Variants in CDKAL1 observed in about 807,000 individuals in gnomAD.
CDKAL1 encodes the protein threonylcarbamoyladenosine tRNA methylthiotransferase.
A neutral mutation model predicts 68.2 loss-of-function variants in CDKAL1; 32 were observed. That is an observed-to-expected ratio of 0.47 (90% confidence interval 0.35 to 0.63). CDKAL1 has a LOEUF of 0.63. Among genes scored for constraint, CDKAL1 ranks in the 30% least tolerant of loss-of-function variants. The pLI is 0.00. For missense variants in CDKAL1, 606 were observed against 696.7 expected (o/e 0.87, Z 1.47); for synonymous variants, 234 against 244.3 (o/e 0.96, Z 0.39).
In CDKAL1 at chr6:21,205,557, G is replaced by C. The variant is rs151161368; in HGVS notation, c.1548+4283G>C. ...TTTGTTTTGTTTTTTTTGAGACAGAGTCTCGCCCTGTCGCCCAGGCTGGAG... is the reference window on the plus strand; with the variant it reads ...TTTGTTTTGTTTTTTTTGAGACAGACTCTCGCCCTGTCGCCCAGGCTGGAG... On this transcript the variant is annotated intron_variant, in intron 15 of 15. Transcript: ENST00000274695. 7.0e-3 allele frequency among the ~76,000 whole-genome samples: 1,062 copies of C among 152,020 alleles called. 5 individuals carry two copies. The highest frequency in any genetic ancestry group is 0.017 in the South Asian group (84 of 4,822).
At chr6:21,143,147 G>T (rs939470655) in intron 13 of CDKAL1, among the ~76,000 whole-genome samples, 1 of 152,128 alleles carries the variant, frequency 6.6e-6, no homozygotes, top group Non-Finnish European at 1.5e-5. Flanking sequence ...CTCTGAATTT[G>T]TACTTCATTT....
At chr6:21,182,223 A>G (rs1016881096) in intron 13 of CDKAL1, among the ~76,000 whole-genome samples, 32 of 152,240 alleles carry the variant, frequency 2.1e-4, no homozygotes, top group African/African-American at 7.0e-4. Flanking sequence ...AGAATAAATT[A>G]TAGAATTAAA....
intron 9 of CDKAL1, among the ~76,000 whole-genome samples, chr6:20,863,079 T>C (rs1457215914): frequency 6.6e-6 from 1 of 152,216 alleles, no homozygotes; most frequent in Admixed American, 6.5e-5. Flanking sequence ...ATAAAGTGCA[T>C]ACAGATCCCC....
chr6:20,595,930 C>G (rs556187968), intron 4 of CDKAL1, among the ~76,000 whole-genome samples: 30 of 152,206 alleles, frequency 2.0e-4, no homozygotes, highest in Non-Finnish European at 3.7e-4. Context: ...AGTCAGGACC[C>G]TCTGCTGCAG....
At chr6:20,727,347 T>C (rs938329944) in intron 5 of CDKAL1, among the ~76,000 whole-genome samples, 1 of 152,154 alleles carries the variant, frequency 6.6e-6, no homozygotes, top group African/African-American at 2.4e-5. Context: ...AACATACATA[T>C]AACTACATAT....
chr6:20,577,988 G>T (rs1764982839), intron 4 of CDKAL1, among the ~76,000 whole-genome samples: 1 of 152,020 alleles, frequency 6.6e-6, no homozygotes, highest in Non-Finnish European at 1.5e-5. Flanking sequence ...TTAGTCTTAG[G>T]TGTAGTTACA....
chr6:20,579,194 G>T (rs943524834), intron 4 of CDKAL1, among the ~76,000 whole-genome samples: 3 of 152,082 alleles, frequency 2.0e-5, no homozygotes, highest in African/African-American at 4.8e-5. Flanking sequence ...GCCCTGGCTG[G>T]TCTCGAACTC....
chr6:20,639,064 A>G (rs563946092), intron 4 of CDKAL1, among the ~76,000 whole-genome samples: 1 of 152,300 alleles, frequency 6.6e-6, no homozygotes, highest in East Asian at 1.9e-4. Context: ...TCTGTCTTGT[A>G]CCTGATTTGA....
Position 20,644,135 on chromosome 6 carries a change from CTT to C in CDKAL1, c.287-5144_287-5143del, listed in dbSNP as rs11348111. On this transcript the variant is annotated intron_variant, in intron 4 of 15. Transcript: ENST00000274695. ...GGCACAAGCCACCGTGTCTGGCCTG[CTT>C]TTTTTTTTTTTTTAATTTATTTTTA... 4.8e-3 allele frequency among the ~76,000 whole-genome samples: 683 copies of C among 143,290 alleles called. 2 individuals carry two copies. Among genetic ancestry groups the C allele is most frequent in the African/African-American group, 0.01 (392 of 38,752 alleles). 94.0% of individuals were successfully genotyped at this position (143,290 alleles called of 152,430 possible). A position where few individuals can be genotyped will look rare whatever the true frequency, so the allele number is the denominator to read the frequency against.
intron 8 of CDKAL1, among the ~76,000 whole-genome samples, chr6:20,820,720 GGTA>G (rs536792235): frequency 1.3e-3 from 203 of 152,152 alleles, no homozygotes; most frequent in Middle Eastern, 6.8e-3. Flanking sequence ...TCTTTTATAA[GGTA>G]GTAGTACTTT....
At chr6:20,773,485 T>A (rs965819777) in intron 7 of CDKAL1, among the ~76,000 whole-genome samples, 1 of 152,246 alleles carries the variant, frequency 6.6e-6, no homozygotes, top group Non-Finnish European at 1.5e-5. Flanking sequence ...AAAATTCAAA[T>A]TGATGTGATC....
intron 4 of CDKAL1, among the ~76,000 whole-genome samples, chr6:20,638,359 G>A (rs1277775690): frequency 6.6e-6 from 1 of 152,056 alleles, no homozygotes; most frequent in Non-Finnish European, 1.5e-5. Context: ...TGAACTCTCA[G>A]TTCATATTTG....
chr6:20,655,356 C>G (rs1768975912), intron 5 of CDKAL1, among the ~76,000 whole-genome samples: 1 of 152,130 alleles, frequency 6.6e-6, no homozygotes, highest in Non-Finnish European at 1.5e-5. Context: ...TACAGAGGAT[C>G]TCATCTAAAG....
At chr6:20,648,796 A>C (rs989786168) in intron 4 of CDKAL1, among the ~76,000 whole-genome samples, 5 of 152,208 alleles carry the variant, frequency 3.3e-5, no homozygotes, top group African/African-American at 9.6e-5. Flanking sequence ...TTATTATAGT[A>C]TATAACAATA....
chr6:20,631,506 TC>T (rs1767673356), intron 4 of CDKAL1, among the ~76,000 whole-genome samples: 1 of 152,214 alleles, frequency 6.6e-6, no homozygotes, highest in African/African-American at 2.4e-5. Flanking sequence ...ATCTCCCATG[TC>T]TAGTCAGTCA....
chr6:20,725,640 C>T lies in CDKAL1; in HGVS notation c.372-13879C>T, dbSNP rs568627406. Reference sequence around the variant, plus strand: ...TCTCTACTAAAAATACAAAATTAGCCGGGCGTGGTGGCACATGCCTGTAAT... The same window carrying T: ...TCTCTACTAAAAATACAAAATTAGCTGGGCGTGGTGGCACATGCCTGTAAT... On this transcript the variant is annotated intron_variant, in intron 5 of 15. Coordinates refer to ENST00000274695, the MANE Select transcript of CDKAL1 (RefSeq NM_017774.3). Among the ~76,000 whole-genome samples the T allele has an allele frequency of 3.5e-4, 53 of 151,890 alleles. 1 individual carries two copies. The highest frequency in any genetic ancestry group is 3.4e-3 in the Middle Eastern group (1 of 294).
intron 4 of CDKAL1, among the ~76,000 whole-genome samples, chr6:20,597,217 C>T (rs1039020569): frequency 7.2e-5 from 11 of 152,172 alleles, no homozygotes; most frequent in African/African-American, 2.7e-4. Flanking sequence ...CAACCTCTGC[C>T]TCCTGAGTTC....
rs6921177 is a variant in CDKAL1 at position 20,849,639 on chromosome 6, A to C, written c.742+3461A>C. On this transcript the variant is annotated intron_variant, in intron 9 of 15. Coordinates refer to ENST00000274695, the MANE Select transcript of CDKAL1 (RefSeq NM_017774.3). ...GAAATATTACTTAAACTAAAATCCG[A>C]AGCCAGGAAGAGAAGTCTAATTTTG... is the stretch of plus-strand genomic sequence containing the variant. Among the ~76,000 whole-genome samples the C allele has an allele frequency of 4.8e-3, 726 of 152,136 alleles. 6 individuals are homozygous for C. The highest frequency in any genetic ancestry group is 0.016 in the African/African-American group (669 of 41,508).
At chr6:20,941,158 A>G (rs1284054603) in intron 9 of CDKAL1, among the ~76,000 whole-genome samples, 2 of 59,994 alleles carry the variant, frequency 3.3e-5, no homozygotes, top group Non-Finnish European at 4.3e-5. Flanking sequence ...CATCAGCCAC[A>G]TATGGCTTGT....
Sources: allele counts gnomAD v4.1 joint callset (sites outside exome capture counted in the v4.1 genomes callset), GRCh38; gene constraint gnomAD v4.1.1; transcripts MANE v1.5; gene names NCBI Gene and HGNC (gene_info 2026-07-23, HGNC 2026-07-21).